PAPOLA: variants seen among roughly 807,000 people sequenced by gnomAD.
PAPOLA encodes the protein poly(A) polymerase alpha.
Under a neutral mutation model 100.6 loss-of-function variants are expected in PAPOLA, and 15 were observed. That is an observed-to-expected ratio of 0.15 (90% CI 0.10 to 0.23). The LOEUF (loss-of-function observed/expected upper bound fraction) is 0.23. PAPOLA is among the 10% of genes least tolerant of loss of function. The pLI is 1.00. For synonymous variants in PAPOLA, 293 were observed against 300.0 expected, an observed-to-expected ratio of 0.98 and a Z score of 0.24; for missense variants, 533 against 884.2, an observed-to-expected ratio of 0.60 and a Z score of 5.04.
chr14:96,560,358 T>G, intron 19 of PAPOLA: 1 of 236,408 alleles, frequency 4.2e-6, no homozygotes. Flanking sequence ...TTTTTTTCTT[T>G]TCCTTACAAA....
chr14:96,514,533 A>G (rs1897316875), intron 1 of PAPOLA, among the ~76,000 whole-genome samples: 1 of 152,146 alleles, frequency 6.6e-6, no homozygotes, highest in African/African-American at 2.4e-5. Flanking sequence ...GATAGTTGAG[A>G]TTGTATATAT....
intron 1 of PAPOLA, among the ~76,000 whole-genome samples, chr14:96,517,523 C>T (rs996638376): frequency 6.6e-6 from 1 of 151,876 alleles, no homozygotes; most frequent in African/African-American, 2.4e-5. Context: ...ACATTAATTA[C>T]GTTCAGTAGT....
chr14:96,502,647 G>A, intron 1 of PAPOLA, 47 bp downstream of exon 1: 1 of 1,556,982 alleles, frequency 6.4e-7, no homozygotes, highest in Non-Finnish European at 8.7e-7. Context: ...GCTGGGCCTT[G>A]GGGGGCGTCC....
At chr14:96,536,026 T>C in intron 11 of PAPOLA, 27 bp downstream of exon 11, 1 of 1,541,212 alleles carries the variant, frequency 6.5e-7, no homozygotes, top group Non-Finnish European at 8.8e-7. Context: ...ATGCTCTGAT[T>C]TATACAGGAA....
rs1471281901 is a variant in PAPOLA at position 96,525,406 on chromosome 14, AT to A, written c.331+20del. On this transcript the variant is annotated intron_variant, in intron 4 of 21. Transcript: ENST00000216277. ...GCATACAAAAGGTAAGTATTATTTC[AT>A]TTTTCTTAGAAAGGGACCCTTTAGT... The A allele has an allele frequency of 8.9e-7, 1 of 1,119,820 alleles. No homozygotes were observed. The highest frequency in any genetic ancestry group is 2.3e-5 in the Admixed American group (1 of 43,412). 69.4% of individuals were successfully genotyped at this position (1,119,820 alleles called of 1,614,324 possible).
intron 3 of PAPOLA, among the ~76,000 whole-genome samples, chr14:96,522,170 G>A (rs1224861214): frequency 2.4e-5 from 3 of 127,606 alleles, no homozygotes. Flanking sequence ...TGCCCAGGCT[G>A]AAGTACAGTG....
chr14:96,512,509 A>C (rs1174243841), intron 1 of PAPOLA, among the ~76,000 whole-genome samples: 1 of 152,242 alleles, frequency 6.6e-6, no homozygotes, highest in Admixed American at 6.5e-5. Context: ...CAGTAAACTT[A>C]GTCAAGCCTT....
intron 12 of PAPOLA, among the ~76,000 whole-genome samples, chr14:96,540,721 T>G (rs907456765): frequency 7.9e-5 from 12 of 152,174 alleles, no homozygotes; most frequent in Admixed American, 2.6e-4. Flanking sequence ...ACCTTGTTTT[T>G]TATATATCTA....
At chr14:96,556,443 C>T (rs759053185) in intron 19 of PAPOLA, 30 bp downstream of exon 19, 1 of 1,338,520 alleles carries the variant, frequency 7.5e-7, no homozygotes, top group South Asian at 1.2e-5. Flanking sequence ...ATTAGTTAGC[C>T]ATGGCAACAC....
chr14:96,534,645 TC>T (rs780197226), intron 10 of PAPOLA, 82 bp downstream of exon 10: 1 of 1,605,740 alleles, frequency 6.2e-7, no homozygotes, highest in Non-Finnish European at 8.5e-7. Context: ...CAGGGAGACT[TC>T]CAGCCTTTTA....
At chr14:96,552,108 G>C (rs1237401815) in intron 16 of PAPOLA, among the ~76,000 whole-genome samples, 1 of 152,102 alleles carries the variant, frequency 6.6e-6, no homozygotes, top group Non-Finnish European at 1.5e-5. Context: ...GTAGTCCCAT[G>C]TTTATTGTTG....
rs368031112 is a variant in PAPOLA at position 96,552,493 on chromosome 14, G to C, written c.1535G>C (p.Gly512Ala). Residue 512 changes from glycine to alanine, a missense_variant, in exon 17 of 22, where the codon GGT becomes GCT. Transcript: ENST00000216277. Reference protein sequence around the residue: ...LQKKKKHSTEGVKLTALNDSS... With the variant: ...LQKKKKHSTEAVKLTALNDSS... ...TATTGTTTGCAGCATTCAACAGAAGGTGTCAAATTGACAGCTCTCAATGAC... is the reference window on the plus strand; with the variant it reads ...TATTGTTTGCAGCATTCAACAGAAGCTGTCAAATTGACAGCTCTCAATGAC... 1.9e-6 allele frequency: 3 copies of C among 1,613,220 alleles called. No homozygotes were observed. The highest frequency in any genetic ancestry group is 1.7e-6 in the Non-Finnish European group (2 of 1,179,244).
intron 6 of PAPOLA, among the ~76,000 whole-genome samples, chr14:96,530,651 G>T (rs939620582): frequency 6.6e-6 from 1 of 152,046 alleles, no homozygotes; most frequent in African/African-American, 2.4e-5. Flanking sequence ...CTCCCAAAGT[G>T]CTGGGACTAC....
intron 1 of PAPOLA, among the ~76,000 whole-genome samples, chr14:96,509,397 A>G (rs777021536): frequency 4.2e-4 from 64 of 152,232 alleles, no homozygotes; most frequent in Non-Finnish European, 1.9e-4. Context: ...TGTGTGTATA[A>G]CATGTAAATC....
In PAPOLA at chr14:96,556,090, A is replaced by G. The variant is rs1901298266; in HGVS notation, c.1766-85A>G. The G allele has an allele frequency of 9.5e-6, 12 of 1,261,162 alleles. No homozygotes were observed. In the South Asian group the frequency reaches 1.5e-4, roughly 16 times the overall value. The allele number at this position is 1,261,162 out of a possible 1,614,324, so 78.1% of individuals were successfully genotyped here. ...TTTTTGCATGTAAAGTTATTCATGA[A>G]ATCAAATTCAGAGAAACAAAAACTT... On this transcript the variant is annotated intron_variant, in intron 18 of 21. Transcript: ENST00000216277.
At chr14:96,558,565 A>G (rs1306259312) in intron 19 of PAPOLA, among the ~76,000 whole-genome samples, 3 of 152,160 alleles carry the variant, frequency 2.0e-5, no homozygotes. Flanking sequence ...AAGAATATAG[A>G]ATTTTTAAAC....
rs767415877 is a variant in PAPOLA, at chr14:96,556,401, C to A, written c.1992C>A (p.Thr664=). 6.2e-7 allele frequency: 1 copy of A among 1,600,884 alleles called. No individual in the cohort carries two copies. Among genetic ancestry groups the A allele is most frequent in the Non-Finnish European group, 8.6e-7 (1 of 1,168,256 alleles). Residue 664 remains threonine, a synonymous_variant, in exon 19 of 22, where the codon ACC becomes ACA. Coordinates refer to ENST00000216277, the MANE Select transcript of PAPOLA (RefSeq NM_032632.5). ...ATAAAGAAGAGAGTCCCAAGAAAAC[C>A]AAAACAGAAGAGGTATATATATGAA... is the stretch of plus-strand genomic sequence containing the variant. ...SPHKEESPKK[T]KTEEDETSED...
At chr14:96,507,976 A>C (rs797005746) in intron 1 of PAPOLA, among the ~76,000 whole-genome samples, 3 of 152,206 alleles carry the variant, frequency 2.0e-5, no homozygotes, top group African/African-American at 7.2e-5. Context: ...CCCAGGTTCA[A>C]GTGATTCTCC....
chr14:96,531,761 C>CTA (rs1899040539), intron 7 of PAPOLA, 175 bp downstream of exon 7: 1 of 1,455,742 alleles, frequency 6.9e-7, no homozygotes, highest in East Asian at 2.5e-5. Context: ...TTATTTCACT[C>CTA]TACAGTATTT....
Sources: allele counts gnomAD v4.1 joint callset (sites outside exome capture counted in the v4.1 genomes callset), GRCh38; gene constraint gnomAD v4.1.1; transcripts MANE v1.5; gene names NCBI Gene and HGNC (gene_info 2026-07-23, HGNC 2026-07-21).